Variants in CPQ observed in about 807,000 individuals in gnomAD.
CPQ encodes carboxypeptidase Q, also known as Ser-Met dipeptidase.
Under a neutral mutation model 45.7 loss-of-function variants are expected in CPQ, and 37 were observed. The ratio of observed to expected loss-of-function variants is 0.81; its 90% CI spans 0.62 to 1.07. The LOEUF (loss-of-function observed/expected upper bound fraction) is 1.07, where lower values mean the gene tolerates loss of function less well. Ranked by LOEUF, CPQ falls within the 50% of genes least tolerant of loss-of-function variation. The probability of loss-of-function intolerance (pLI) is 0.00; values close to 1 mark genes in which losing one functional copy is unlikely to be tolerated. For synonymous variants in CPQ, 186 were observed against 205.8 expected (o/e 0.90, Z 0.82); for missense variants, 537 against 572.9 (o/e 0.94, Z 0.64).
intron 1 of CPQ, among the ~76,000 whole-genome samples, chr8:96,651,398 TG>T (rs1184184336): frequency 6.6e-6 from 1 of 152,260 alleles, no homozygotes; most frequent in Non-Finnish European, 1.5e-5. Flanking sequence ...AAGCAAAGAC[TG>T]TTATATTAGA....
chr8:96,768,914 T>C (rs1265830628), intron 1 of CPQ, among the ~76,000 whole-genome samples: 2 of 152,206 alleles, frequency 1.3e-5, no homozygotes, highest in Non-Finnish European at 2.9e-5. Context: ...TGTTATTAAC[T>C]AGTTTAGAGG....
rs371337835 is a variant in CPQ, at chr8:96,968,463, C to CTGAT, written c.961+2418_961+2421dup. The stretch of plus-strand genomic sequence containing the variant: ...GTGTATGAATTCTGGATGAAAATTG[C>CTGAT]TGATATACTTGAACTAGAAATATGC... On this transcript the variant is annotated intron_variant, in intron 5 of 7. Coordinates refer to ENST00000220763, the MANE Select transcript of CPQ (RefSeq NM_016134.4). Among the ~76,000 whole-genome samples the CTGAT allele has an allele frequency of 3.8e-3, 583 of 152,286 alleles. 5 individuals carry two copies. Among genetic ancestry groups the CTGAT allele is most frequent in the African/African-American group, 0.013 (536 of 41,542 alleles).
intron 3 of CPQ, among the ~76,000 whole-genome samples, chr8:96,846,603 C>T (rs1811694045): frequency 6.6e-6 from 1 of 152,070 alleles, no homozygotes. Context: ...GTTTCTGGAT[C>T]ATTTGAAAGT....
chr8:97,078,132 G>A (rs1054378226), intron 7 of CPQ, among the ~76,000 whole-genome samples: 1 of 152,058 alleles, frequency 6.6e-6, no homozygotes, highest in Non-Finnish European at 1.5e-5. Flanking sequence ...TGCTCAAATT[G>A]TCCCATCTTT....
intron 2 of CPQ, among the ~76,000 whole-genome samples, chr8:96,800,134 G>T (rs1282387652): frequency 1.3e-5 from 2 of 152,182 alleles, no homozygotes; most frequent in East Asian, 3.8e-4. Flanking sequence ...AAATATGTGG[G>T]CCTAGAGAAT....
chr8:96,854,408 G>A (rs1217167789), intron 3 of CPQ, among the ~76,000 whole-genome samples: 1 of 148,758 alleles, frequency 6.7e-6, no homozygotes, highest in African/African-American at 2.5e-5. Context: ...GCGGGCGCCT[G>A]TAGTCCCAGC....
chr8:96,860,193 C>T (rs1470962244), intron 3 of CPQ, among the ~76,000 whole-genome samples: 1 of 152,128 alleles, frequency 6.6e-6, no homozygotes, highest in African/African-American at 2.4e-5. Flanking sequence ...AGTACCTTTA[C>T]AACGTGTGCA....
intron 7 of CPQ, among the ~76,000 whole-genome samples, chr8:97,141,082 T>A (rs1413848379): frequency 6.6e-6 from 1 of 152,034 alleles, no homozygotes; most frequent in Non-Finnish European, 1.5e-5. Flanking sequence ...ATAAAATATT[T>A]TTAAAATTTA....
At chr8:97,083,832 T>G (rs1403479201) in intron 7 of CPQ, among the ~76,000 whole-genome samples, 1 of 152,204 alleles carries the variant, frequency 6.6e-6, no homozygotes, top group Non-Finnish European at 1.5e-5. Context: ...TCATCCCTAA[T>G]GGTGATGTGA....
At chr8:96,736,660 G>T (rs1327859381) in intron 1 of CPQ, among the ~76,000 whole-genome samples, 2 of 152,140 alleles carry the variant, frequency 1.3e-5, no homozygotes, top group Admixed American at 6.5e-5. Flanking sequence ...ATAAATGGCT[G>T]CATACTACAT....
intron 7 of CPQ, among the ~76,000 whole-genome samples, chr8:97,079,860 G>A (rs2130549459): frequency 6.6e-6 from 1 of 152,262 alleles, no homozygotes; most frequent in South Asian, 2.1e-4. Flanking sequence ...AACCAGTCGG[G>A]TTGGACCAAA....
intron 3 of CPQ, among the ~76,000 whole-genome samples, chr8:96,842,109 G>A (rs1216211691): frequency 1.3e-5 from 2 of 152,116 alleles, no homozygotes; most frequent in East Asian, 1.9e-4. Flanking sequence ...GAGGTGAAAT[G>A]TCTTAAGAGG....
intron 7 of CPQ, among the ~76,000 whole-genome samples, chr8:97,091,853 T>TGG: frequency 7.1e-6 from 1 of 140,032 alleles, no homozygotes; most frequent in South Asian, 2.3e-4. Flanking sequence ...GATGGATGGA[T>TGG]AGATGGATGG....
intron 4 of CPQ, among the ~76,000 whole-genome samples, chr8:96,952,646 A>G (rs1267668608): frequency 6.6e-6 from 1 of 152,136 alleles, no homozygotes; most frequent in African/African-American, 2.4e-5. Context: ...TTTAGCCTGC[A>G]AATAGAGAAA....
At chr8:97,046,295 C>T (rs1480298232) in intron 6 of CPQ, among the ~76,000 whole-genome samples, 3 of 150,882 alleles carry the variant, frequency 2.0e-5, no homozygotes, top group Non-Finnish European at 2.9e-5. Flanking sequence ...AGACCTCTCT[C>T]GTGTACTCTC....
rs1586560015 is a variant in CPQ at position 97,140,388 on chromosome 8, T to C, written c.1256-2632T>C. On this transcript the variant is annotated intron_variant, in intron 7 of 7. Coordinates refer to ENST00000220763, the MANE Select transcript of CPQ (RefSeq NM_016134.4). ...TGTATAAAAAAAAGAAGGAAAACCA[T>C]GTTATGCATCAGATACATCCTTGAT... Among the ~76,000 whole-genome samples the C allele has an allele frequency of 2.0e-5, 3 of 151,896 alleles. No homozygotes were observed. In the South Asian group the frequency reaches 6.2e-4, roughly 32 times the overall value.
rs896463788 is a variant in CPQ at position 97,029,388 on chromosome 8, T to A, written c.962-15T>A. 4.5e-6 allele frequency: 7 copies of A among 1,571,724 alleles called. No individual in the cohort carries two copies. The African/African-American group carries it at 8.2e-5, about 18-fold the overall frequency. ...TCAACTAAAGTATCACTTTTTTATT[T>A]TATTATTTTCCCAGGGCTGCGTCCA... is the stretch of plus-strand genomic sequence containing the variant. On this transcript the variant is annotated splice_polypyrimidine_tract_variant and intron_variant, in intron 5 of 7. Coordinates refer to ENST00000220763, the MANE Select transcript of CPQ (RefSeq NM_016134.4).
At chr8:96,919,799 T>C (rs1176681313) in intron 4 of CPQ, among the ~76,000 whole-genome samples, 2 of 152,158 alleles carry the variant, frequency 1.3e-5, no homozygotes, top group East Asian at 3.8e-4. Flanking sequence ...GCCTAATCTT[T>C]AGCAGTAATC....
intron 1 of CPQ, among the ~76,000 whole-genome samples, chr8:96,777,335 A>G (rs1810618008): frequency 6.6e-6 from 1 of 151,982 alleles, no homozygotes; most frequent in African/African-American, 2.4e-5. Flanking sequence ...AAGCTCCAAC[A>G]TTTATGGAGC....
Sources: gnomAD v4.1 joint callset for allele counts (sites outside exome capture counted in the v4.1 genomes callset) on GRCh38, gnomAD v4.1.1 for gene constraint, MANE v1.5 for transcripts, NCBI Gene and HGNC (gene_info 2026-07-23, HGNC 2026-07-21) for gene names.